The following MPP7 variants were observed in gnomAD, a reference collection of about 807,000 sequenced individuals.
MPP7 encodes MAGUK p55 subfamily member 7.
MPP7 carries 60 observed loss-of-function variants against 76.5 expected under a neutral mutation model. The ratio of observed to expected loss-of-function variants is 0.78; its 90% CI spans 0.64 to 0.97. The LOEUF is 0.97. Ranked by LOEUF, MPP7 falls within the 50% of genes least tolerant of loss-of-function variation. The probability of loss-of-function intolerance (pLI) is 0.00; values close to 1 mark genes in which losing one functional copy is unlikely to be tolerated. For synonymous variants in MPP7, 237 were observed against 244.5 expected, an observed-to-expected ratio of 0.97 and a Z score of 0.29; for missense variants, 641 against 694.0, an observed-to-expected ratio of 0.92 and a Z score of 0.86.
chr10:28,119,559 T>C (rs1456480588), intron 11 of MPP7, 92 bp downstream of exon 11: 14 of 954,778 alleles, frequency 1.5e-5, no homozygotes, highest in Non-Finnish European at 2.2e-5. Flanking sequence ...GCTAGGGTAA[T>C]AGGACCCTTT....
At chr10:28,178,083 T>A (rs1836935984) in intron 3 of MPP7, among the ~76,000 whole-genome samples, 2 of 152,130 alleles carry the variant, frequency 1.3e-5, no homozygotes, top group South Asian at 4.1e-4. Context: ...GCAGAGTTTT[T>A]AAGTTCTGGC....
intron 12 of MPP7, among the ~76,000 whole-genome samples, chr10:28,087,392 T>G (rs182154764): frequency 8.5e-4 from 129 of 152,222 alleles, no homozygotes; most frequent in African/African-American, 2.9e-3. Flanking sequence ...CATGCCTTTT[T>G]TTTTCTTTCT....
chr10:28,117,639 T>A (rs1294364295), intron 11 of MPP7, among the ~76,000 whole-genome samples: 1 of 152,134 alleles, frequency 6.6e-6, no homozygotes, highest in African/African-American at 2.4e-5. Context: ...AAAGTGTTTT[T>A]AAATGCCATT....
At chr10:28,098,950 AC>A (rs1490410824) in intron 11 of MPP7, among the ~76,000 whole-genome samples, 7 of 152,322 alleles carry the variant, frequency 4.6e-5, no homozygotes, top group Admixed American at 2.0e-4. Context: ...GAAACTTACA[AC>A]CAAACTAATA....
intron 11 of MPP7, among the ~76,000 whole-genome samples, chr10:28,117,887 C>G (rs1834707031): frequency 2.0e-5 from 3 of 151,516 alleles, no homozygotes; most frequent in African/African-American, 7.3e-5. Flanking sequence ...TAAAAACAAA[C>G]AATGCATCTC....
At chr10:28,208,097 A>T (rs902221266) in intron 2 of MPP7, among the ~76,000 whole-genome samples, 2 of 152,150 alleles carry the variant, frequency 1.3e-5, no homozygotes, top group African/African-American at 4.8e-5. Context: ...CTGTTATCCA[A>T]GGAGAAAACA....
chr10:28,051,967 G>A lies in MPP7; in HGVS notation c.*2098C>T, dbSNP rs1195719776. 6 of 150,214 alleles carry A rather than the reference G, an allele frequency of 4.0e-5. No homozygotes were observed. The highest frequency in any genetic ancestry group is 7.4e-5 in the Non-Finnish European group (5 of 67,688). The allele number at this position is 150,214 out of a possible 1,614,324, so 9.3% of individuals were successfully genotyped here. On this transcript the variant is annotated 3_prime_UTR_variant, in exon 17 of 17. Transcript: ENST00000683449. ...TTCCCCCCATTATTTAAAAAATATTGTTCTAGCTCTGCGCTTAAGGTCTGG... is the reference window on the plus strand; with the variant it reads ...TTCCCCCCATTATTTAAAAAATATTATTCTAGCTCTGCGCTTAAGGTCTGG...
intron 3 of MPP7, 48 bp downstream of exon 3, chr10:28,202,105 T>C (rs1244302280): frequency 1.5e-6 from 2 of 1,336,494 alleles, no homozygotes; most frequent in African/African-American, 2.9e-5. Flanking sequence ...CCCCAAATAT[T>C]TTTCCATATG....
chr10:28,076,749 A>T (rs1344242932), intron 12 of MPP7, among the ~76,000 whole-genome samples: 4 of 152,034 alleles, frequency 2.6e-5, no homozygotes, highest in Admixed American at 6.6e-5. Flanking sequence ...TTAGCTGGGC[A>T]TGGTGGCACA....
At chr10:28,261,144 T>C (rs1839937776) in intron 1 of MPP7, among the ~76,000 whole-genome samples, 1 of 152,224 alleles carries the variant, frequency 6.6e-6, no homozygotes, top group South Asian at 2.1e-4. Context: ...TTTCCAGAAT[T>C]AACCATTTTG....
rs1014667340 is a variant in MPP7, at chr10:28,051,564, A to T, written c.*2501T>A. The stretch of plus-strand genomic sequence containing the variant: ...CCTCTTCTCTTACATAGTGGCTCCA[A>T]CTTAGGGAGCTGGCTTCTGGAGGGA... On this transcript the variant is annotated 3_prime_UTR_variant, in exon 17 of 17. Transcript: ENST00000683449. 8 of 152,176 alleles carry T rather than the reference A, an allele frequency of 5.3e-5. No homozygotes were observed. The highest frequency in any genetic ancestry group is 1.0e-4 in the Non-Finnish European group (7 of 68,026). The allele number at this position is 152,176 out of a possible 1,614,324, so 9.4% of individuals were successfully genotyped here.
chr10:28,103,789 C>A (rs1356480647), intron 11 of MPP7, among the ~76,000 whole-genome samples: 1 of 151,998 alleles, frequency 6.6e-6, no homozygotes, highest in Non-Finnish European at 1.5e-5. Flanking sequence ...AAGTTATATG[C>A]TACAAATACC....
chr10:28,147,606 G>T, intron 4 of MPP7, 43 bp from the exon 5 acceptor site: 1 of 1,545,600 alleles, frequency 6.5e-7, no homozygotes, highest in Non-Finnish European at 8.9e-7. Flanking sequence ...TTTAGTAAGA[G>T]CATTGTGGGA....
chr10:28,228,276 T>C (rs937915167), intron 2 of MPP7, among the ~76,000 whole-genome samples: 2 of 152,214 alleles, frequency 1.3e-5, no homozygotes, highest in African/African-American at 4.8e-5. Flanking sequence ...AAATCCACTT[T>C]TGTTTTTTAA....
intron 2 of MPP7, among the ~76,000 whole-genome samples, chr10:28,223,033 C>A (rs1439371225): frequency 1.3e-5 from 2 of 151,366 alleles, no homozygotes; most frequent in African/African-American, 2.4e-5. Context: ...ACTCAGGAGG[C>A]TGAGGCAGGA....
chr10:28,177,037 A>G (rs1836889064), intron 3 of MPP7, among the ~76,000 whole-genome samples: 3 of 151,904 alleles, frequency 2.0e-5, no homozygotes, highest in South Asian at 2.1e-4. Context: ...TTAAAAAAAA[A>G]AAAGAAAGAA....
At position 28,120,382 on chromosome 10, in the gene MPP7, G is replaced by A; in HGVS notation, c.699C>T (p.Ile233=). The change falls in exon 10 of 17, where the codon ATC becomes ATT. Residue 233 remains isoleucine (I), a synonymous_variant. Transcript: ENST00000683449. ...TAGGATTATAGTCAAAGAGGGCTTT[G>A]ATAAACATCTGGAAGAAAAGTTTCA... ...ETPSKEGKMF[I]KALFDYNPNE... is the part of the protein sequence containing the mutation. The A allele has an allele frequency of 1.2e-6, 2 of 1,607,778 alleles. No homozygotes were observed. The highest frequency in any genetic ancestry group is 2.7e-5 in the African/African-American group (2 of 74,594).
rs1835741507 is a variant in MPP7, at chr10:28,147,344, T to G, written c.315+139A>C. On this transcript the variant is annotated intron_variant, in intron 5 of 16. Transcript: ENST00000683449. ...CAAAAGCTCGCCTCTTTCTCATTAA[T>G]AGGATTTAGGCTATTAAAATACTGT... 7.9e-6 allele frequency: 5 copies of G among 635,366 alleles called. No homozygotes were observed. The Admixed American group carries it at 1.4e-4, about 18-fold the overall frequency. The allele number at this position is 635,366 out of a possible 1,614,324, so 39.4% of individuals were successfully genotyped here.
intron 6 of MPP7, among the ~76,000 whole-genome samples, chr10:28,128,176 A>T (rs1835079243): frequency 3.9e-5 from 6 of 152,206 alleles, no homozygotes; most frequent in African/African-American, 1.4e-4. Flanking sequence ...GGACCACTCC[A>T]CCCACTGTGC....
Sources: gnomAD v4.1 joint callset for allele counts (sites outside exome capture counted in the v4.1 genomes callset) on GRCh38, gnomAD v4.1.1 for gene constraint, MANE v1.5 for transcripts, NCBI Gene and HGNC (gene_info 2026-07-23, HGNC 2026-07-21) for gene names.